RANBP2: variants seen among roughly 807,000 people sequenced by gnomAD.
The protein encoded by RANBP2 is E3 SUMO-protein ligase RanBP2.
Under a neutral mutation model 303.6 loss-of-function variants are expected in RANBP2, and 57 were observed. The observed-to-expected ratio is 0.19, with a 90% CI of 0.15 to 0.23. The LOEUF is 0.23. Among genes scored for constraint, RANBP2 ranks in the 10% least tolerant of loss-of-function variants. The pLI, the probability that RANBP2 is intolerant of heterozygous loss-of-function variation, is 1.00. For synonymous variants in RANBP2, 1,167 were observed against 1,301.5 expected, an observed-to-expected ratio of 0.90 and a Z score of 2.23; for missense variants, 3,138 against 3,780.8, an observed-to-expected ratio of 0.83 and a Z score of 4.46.
At chr2:109,106,431 T>C in the RANBP2 span, among the ~76,000 whole-genome samples, 1 of 152,224 alleles carries the variant, frequency 6.6e-6, no homozygotes, top group Non-Finnish European at 1.5e-5. Context: ...TAATCTAATC[T>C]TCCCAAGTGT....
In RANBP2 at chr2:108,765,281, C is replaced by T. The variant is rs768536342; in HGVS notation, c.4742C>T (p.Pro1581Leu). 3 of 1,613,916 alleles carry T rather than the reference C, an allele frequency of 1.9e-6. No homozygotes were observed. Among genetic ancestry groups the T allele is most frequent in the South Asian group, 2.2e-5 (2 of 91,086 alleles). Reference protein sequence around the residue: ...KPSPSTSVPAPASFKFGTSET... With the variant: ...KPSPSTSVPALASFKFGTSET... ...AGTCCATCTACTTCTGTTCCAGCTC[C>T]TGCCTCTTTTAAGTTTGGTACTTCA... Residue 1581 changes from proline to leucine, a missense_variant, in exon 20 of 29, where the codon CCT (proline) becomes CTT (leucine). Transcript: ENST00000283195.
chr2:109,505,835 C>T, the RANBP2 span, among the ~76,000 whole-genome samples: 1 of 152,126 alleles, frequency 6.6e-6, no homozygotes, highest in African/African-American at 2.4e-5. Flanking sequence ...AGAATTGATA[C>T]CTCAAGCACA....
At chr2:108,776,740 T>TA (rs1353035111) in intron 24 of RANBP2, among the ~76,000 whole-genome samples, 1 of 152,178 alleles carries the variant, frequency 6.6e-6, no homozygotes, top group African/African-American at 2.4e-5. Flanking sequence ...TGAGCTTATT[T>TA]ATAGTACAGA....
chr2:109,106,476 T>C, the RANBP2 span, among the ~76,000 whole-genome samples: 1 of 152,204 alleles, frequency 6.6e-6, no homozygotes, highest in African/African-American at 2.4e-5. Context: ...AATTCATAAC[T>C]ACCTATATGG....
chr2:109,135,316 C>T, the RANBP2 span, among the ~76,000 whole-genome samples: 3 of 152,174 alleles, frequency 2.0e-5, no homozygotes, highest in Non-Finnish European at 4.4e-5. Context: ...CCCCAGGACA[C>T]GTGGAAGGAG....
the RANBP2 span, among the ~76,000 whole-genome samples, chr2:109,703,619 A>G: frequency 2.6e-5 from 4 of 151,922 alleles, no homozygotes; most frequent in Non-Finnish European, 5.9e-5. Context: ...AGTAGAGATG[A>G]GGTTTCACCA....
chr2:108,970,666 G>T, the RANBP2 span, among the ~76,000 whole-genome samples: 1 of 152,294 alleles, frequency 6.6e-6, no homozygotes, highest in Non-Finnish European at 1.5e-5. Context: ...GGGATGGGAA[G>T]AGGGCCCTTT....
At chr2:109,294,673 A>T in the RANBP2 span, among the ~76,000 whole-genome samples, 1 of 151,710 alleles carries the variant, frequency 6.6e-6, no homozygotes, top group African/African-American at 2.4e-5. Flanking sequence ...CTGCTGGGTG[A>T]TGTGGTGACG....
the RANBP2 span, among the ~76,000 whole-genome samples, chr2:108,955,254 G>T: frequency 1.3e-5 from 2 of 152,074 alleles, no homozygotes; most frequent in South Asian, 2.1e-4. Context: ...GAGGATTAAT[G>T]AGATAAATTA....
the RANBP2 span, among the ~76,000 whole-genome samples, chr2:109,413,019 C>G: frequency 2.0e-5 from 3 of 152,246 alleles, no homozygotes; most frequent in Admixed American, 2.0e-4. Flanking sequence ...GCCCCACACC[C>G]TGGAACTTCA....
the RANBP2 span, among the ~76,000 whole-genome samples, chr2:108,897,484 A>G: frequency 6.6e-6 from 1 of 152,194 alleles, no homozygotes; most frequent in Non-Finnish European, 1.5e-5. Context: ...AATGACTGCT[A>G]TATTGACAAT....
the RANBP2 span, among the ~76,000 whole-genome samples, chr2:109,189,141 T>C: frequency 6.6e-6 from 1 of 152,002 alleles, no homozygotes; most frequent in Non-Finnish European, 1.5e-5. Context: ...TTCCCCAGGC[T>C]GTGACCTCGC....
At chr2:109,594,278 A>T in the RANBP2 span, among the ~76,000 whole-genome samples, 1 of 152,202 alleles carries the variant, frequency 6.6e-6, no homozygotes, top group African/African-American at 2.4e-5. Flanking sequence ...TGGTAAAAAA[A>T]AAATTGCAAA....
chr2:108,747,736 G>C (rs1253319558), intron 8 of RANBP2, among the ~76,000 whole-genome samples: 1 of 152,066 alleles, frequency 6.6e-6, no homozygotes, highest in Non-Finnish European at 1.5e-5. Context: ...ACTGTGTAGT[G>C]GTAACCAAAC....
the RANBP2 span, among the ~76,000 whole-genome samples, chr2:109,312,626 A>G: frequency 6.6e-6 from 1 of 152,306 alleles, no homozygotes; most frequent in Middle Eastern, 3.4e-3. Flanking sequence ...GAATCATCCG[A>G]TACATGGCCC....
the RANBP2 span, among the ~76,000 whole-genome samples, chr2:109,201,946 T>G: frequency 1.3e-5 from 2 of 152,092 alleles, no homozygotes; most frequent in Non-Finnish European, 2.9e-5. Context: ...AAAAAACTGG[T>G]GGAGAAGCAA....
chr2:109,414,434 C>T, the RANBP2 span, among the ~76,000 whole-genome samples: 1 of 152,094 alleles, frequency 6.6e-6, no homozygotes, highest in Non-Finnish European at 1.5e-5. Context: ...TTTTTTCAGG[C>T]AGGAGGGTAA....
the RANBP2 span, among the ~76,000 whole-genome samples, chr2:109,219,480 T>C: frequency 6.6e-6 from 1 of 152,156 alleles, no homozygotes; most frequent in Non-Finnish European, 1.5e-5. Flanking sequence ...AAATAAATTA[T>C]TGGCTTCCAA....
the RANBP2 span, among the ~76,000 whole-genome samples, chr2:108,879,142 TTTAA>T: frequency 6.6e-6 from 1 of 152,222 alleles, no homozygotes; most frequent in South Asian, 2.1e-4. Flanking sequence ...TATTTATTTA[TTTAA>T]TTTTCTGTAG....
Sources: allele counts gnomAD v4.1 joint callset (sites outside exome capture counted in the v4.1 genomes callset), GRCh38; gene constraint gnomAD v4.1.1; transcripts MANE v1.5; gene names NCBI Gene and HGNC (gene_info 2026-07-23, HGNC 2026-07-21).